CSGALNACT1: variants seen among roughly 807,000 people sequenced by gnomAD.
The protein encoded by CSGALNACT1 is beta4GalNAcT-1.
In CSGALNACT1, 52 loss-of-function variants were observed where a neutral mutation model predicts 51.0. The observed-to-expected ratio is 1.02, with a 90% CI of 0.82 to 1.29. CSGALNACT1 has a LOEUF of 1.29. Among genes scored for constraint, CSGALNACT1 ranks in the 50% most tolerant of loss-of-function variants. The pLI is 0.00. For synonymous variants in CSGALNACT1, 341 were observed against 254.4 expected, an observed-to-expected ratio of 1.34 and a Z score of -3.24; for missense variants, 935 against 679.2, an observed-to-expected ratio of 1.38 and a Z score of -4.19.
upstream of CSGALNACT1, among the ~76,000 whole-genome samples, chr8:19,686,117 C>G (rs1047666071): frequency 6.6e-6 from 1 of 152,166 alleles, no homozygotes; most frequent in African/African-American, 2.4e-5. Flanking sequence ...GTGAATCAAC[C>G]TTGGCCGATG....
At chr8:19,500,446 C>T (rs1008619284) in intron 4 of CSGALNACT1, among the ~76,000 whole-genome samples, 1 of 150,542 alleles carries the variant, frequency 6.6e-6, no homozygotes, top group Non-Finnish European at 1.5e-5. Flanking sequence ...TGATTTCCAC[C>T]ACAAGTCACA....
chr8:19,673,372 T>A (rs180916787), intron 1 of CSGALNACT1, among the ~76,000 whole-genome samples: 2 of 152,362 alleles, frequency 1.3e-5, no homozygotes, highest in Admixed American at 1.3e-4. Flanking sequence ...TTGCTCATGC[T>A]CAGGACTGTA....
In CSGALNACT1 at chr8:19,702,929, A is replaced by C. The variant is rs147305707; in HGVS notation, c.-297+54921T>G. Among the ~76,000 whole-genome samples, 573 of 151,546 alleles carry C rather than the reference A, an allele frequency of 3.8e-3. 4 individuals carry two copies. The highest frequency in any genetic ancestry group is 0.014 in the African/African-American group (560 of 41,272). ...TAGACCAGGGCCAATGACTAGATCC[A>C]CTTCTTCCCCTACACCCCTCTTAGC... On this transcript the variant is annotated intron_variant, in intron 1 of 1. Transcript: ENST00000517494.
intron 2 of CSGALNACT1, among the ~76,000 whole-genome samples, chr8:19,599,547 G>GAA (rs1435631644): frequency 2.1e-5 from 3 of 141,934 alleles, no homozygotes; most frequent in Non-Finnish European, 4.7e-5. Flanking sequence ...AAGAAGGAAA[G>GAA]AAAGAAGGAA....
upstream of CSGALNACT1, among the ~76,000 whole-genome samples, chr8:19,603,130 A>G (rs2050809240): frequency 6.6e-6 from 1 of 150,676 alleles, no homozygotes; most frequent in Non-Finnish European, 1.5e-5. Context: ...AAAAAAAAAA[A>G]AGTAGAAAGA....
intron 1 of CSGALNACT1, among the ~76,000 whole-genome samples, chr8:19,633,877 A>G (rs2055638456): frequency 6.6e-6 from 1 of 152,200 alleles, no homozygotes; most frequent in Non-Finnish European, 1.5e-5. Flanking sequence ...AACTGGTGGC[A>G]TGCAAAGCTC....
chr8:19,691,773 C>T lies in CSGALNACT1; in HGVS notation c.-297+66077G>A, dbSNP rs113092363. Among the ~76,000 whole-genome samples the T allele has an allele frequency of 1.5e-4, 23 of 152,232 alleles. 2 individuals are homozygous for T. Among genetic ancestry groups the T allele is most frequent in the African/African-American group, 5.5e-4 (23 of 41,546 alleles). On this transcript the variant is annotated intron_variant, in intron 1 of 1. Coordinates refer to the CSGALNACT1 transcript ENST00000517494. ...TACGGGTCTGGAACACTGTAAGAGC[C>T]ACACACTGAAGTAGTGATTCTCCAA...
exon 10 of CSGALNACT1, chr8:19,405,035 C>A: frequency 4.4e-6 from 2 of 453,334 alleles, no homozygotes; most frequent in Non-Finnish European, 8.8e-6. Flanking sequence ...TCTCATAATG[C>A]ATCTCAAAGT....
chr8:19,479,478 A>G (rs1385237895), intron 4 of CSGALNACT1, among the ~76,000 whole-genome samples: 1 of 152,134 alleles, frequency 6.6e-6, no homozygotes, highest in African/African-American at 2.4e-5. Flanking sequence ...TTTTTCTTTC[A>G]TTATTATTAT....
chr8:19,618,646 AAAAAAAAAAAGAAAG>A (rs1301988050), intron 1 of CSGALNACT1, among the ~76,000 whole-genome samples: 4 of 141,990 alleles, frequency 2.8e-5, no homozygotes, highest in African/African-American at 8.9e-5. Flanking sequence ...AAAAAAAAAA[AAAAAAAAAAAGAAAG>A]AAAGAAAGAA....
intron 5 of CSGALNACT1, among the ~76,000 whole-genome samples, chr8:19,442,294 C>G (rs1389100475): frequency 2.6e-5 from 4 of 152,068 alleles, no homozygotes; most frequent in African/African-American, 9.7e-5. Context: ...GCACTATTCA[C>G]AATAGCAAAG....
chr8:19,461,652 A>G (rs111245288), intron 4 of CSGALNACT1, among the ~76,000 whole-genome samples: 2 of 134,792 alleles, frequency 1.5e-5, no homozygotes, highest in South Asian at 2.5e-4. Context: ...CACATTCACC[A>G]TGGGGGGCGT....
At chr8:19,715,565 T>C (rs763762197) in intron 1 of CSGALNACT1, among the ~76,000 whole-genome samples, 5 of 152,244 alleles carry the variant, frequency 3.3e-5, no homozygotes, top group Non-Finnish European at 7.3e-5. Context: ...GTCTTTGCTG[T>C]TGTAAATAGG....
intron 1 of CSGALNACT1, among the ~76,000 whole-genome samples, chr8:19,696,178 T>C (rs2061573518): frequency 6.6e-6 from 1 of 152,230 alleles, no homozygotes; most frequent in African/African-American, 2.4e-5. Flanking sequence ...TCCAGCAGTC[T>C]AGGTTACTGC....
At chr8:19,729,168 T>C (rs2063557072) in intron 1 of CSGALNACT1, among the ~76,000 whole-genome samples, 1 of 151,768 alleles carries the variant, frequency 6.6e-6, no homozygotes. Flanking sequence ...AAGAAAGTCA[T>C]GTCTTTTGAA....
intron 3 of CSGALNACT1, among the ~76,000 whole-genome samples, chr8:19,567,358 C>G (rs946404628): frequency 1.3e-5 from 2 of 152,150 alleles, no homozygotes; most frequent in South Asian, 2.1e-4. Context: ...TAATAAAAGT[C>G]AATCCAAAAT....
intron 3 of CSGALNACT1, among the ~76,000 whole-genome samples, chr8:19,557,544 C>T (rs981745585): frequency 3.9e-5 from 6 of 152,156 alleles, no homozygotes; most frequent in Non-Finnish European, 5.9e-5. Context: ...CAGGCCTATT[C>T]GTTGTTTTGG....
intron 1 of CSGALNACT1, among the ~76,000 whole-genome samples, chr8:19,712,831 G>A (rs1209307464): frequency 1.3e-5 from 2 of 152,170 alleles, no homozygotes; most frequent in Non-Finnish European, 2.9e-5. Flanking sequence ...TATCTAAAAT[G>A]TGCAGAGGGC....
chr8:19,611,632 G>A (rs192744148), intron 1 of CSGALNACT1, among the ~76,000 whole-genome samples: 21 of 152,242 alleles, frequency 1.4e-4, no homozygotes, highest in Admixed American at 5.2e-4. Flanking sequence ...ATGCAGAGTC[G>A]AACTCTTGAA....
Sources: gnomAD v4.1 joint callset for allele counts (sites outside exome capture counted in the v4.1 genomes callset) on GRCh38, gnomAD v4.1.1 for gene constraint, MANE v1.5 for transcripts, NCBI Gene and HGNC (gene_info 2026-07-23, HGNC 2026-07-21) for gene names.